The following MAEL variants were observed in gnomAD, a reference collection of about 807,000 sequenced individuals.
MAEL encodes protein maelstrom homolog.
MAEL carries 46 observed loss-of-function variants against 62.0 expected under a neutral mutation model. That is an observed-to-expected ratio of 0.74 (90% CI 0.59 to 0.95). The LOEUF is 0.95. Among genes scored for constraint, MAEL ranks in the 40% least tolerant of loss-of-function variants. MAEL has a pLI of 0.00. For synonymous variants in MAEL, 172 were observed against 175.5 expected (o/e 0.98, Z 0.16); for missense variants, 497 against 526.8 (o/e 0.94, Z 0.55).
chr1:167,003,942 T>C (rs1164362238), intron 5 of MAEL, among the ~76,000 whole-genome samples: 1 of 152,196 alleles, frequency 6.6e-6, no homozygotes, highest in Non-Finnish European at 1.5e-5. Context: ...AACTTACTGA[T>C]TTCTGTGATT....
chr1:167,010,493 C>T (rs1265620061), intron 8 of MAEL, among the ~76,000 whole-genome samples: 1 of 151,934 alleles, frequency 6.6e-6, no homozygotes, highest in African/African-American at 2.4e-5. Context: ...TCACCCCAGC[C>T]GGAATACAGT....
chr1:166,976,848 T>G (rs1478291997), intron 1 of MAEL, among the ~76,000 whole-genome samples: 1 of 152,214 alleles, frequency 6.6e-6, no homozygotes, highest in East Asian at 1.9e-4. Flanking sequence ...CTTTTATGGC[T>G]GCCTGACATC....
At chr1:166,989,071 C>T (rs2102065296), upstream of MAEL, 1 of 425,992 alleles carries the variant, frequency 2.3e-6, no homozygotes, top group South Asian at 3.1e-5. Flanking sequence ...AGGCCTCCCA[C>T]GTGACAATGC....
chr1:167,007,289 A>G (rs1664955273), intron 8 of MAEL, among the ~76,000 whole-genome samples: 1 of 152,106 alleles, frequency 6.6e-6, no homozygotes, highest in African/African-American at 2.4e-5. Flanking sequence ...AGTACCTTCA[A>G]GCAGGGGTTT....
intron 8 of MAEL, among the ~76,000 whole-genome samples, chr1:167,006,765 A>G (rs1267126174): frequency 6.6e-6 from 1 of 150,752 alleles, no homozygotes. Context: ...CCTCTCGAGT[A>G]GTTGGGATTA....
chr1:166,990,986 C>G (rs1471334984), intron 2 of MAEL, among the ~76,000 whole-genome samples: 1 of 152,156 alleles, frequency 6.6e-6, no homozygotes, highest in Non-Finnish European at 1.5e-5. Context: ...GTATGTGTAC[C>G]TCATGTGAGA....
upstream of MAEL, among the ~76,000 whole-genome samples, chr1:166,987,172 G>T (rs1042013544): frequency 3.3e-5 from 5 of 152,134 alleles, no homozygotes; most frequent in Admixed American, 6.6e-5. Flanking sequence ...AAGGTTCCCT[G>T]TGTCAGTTCT....
rs906068322 is a variant in MAEL, at chr1:167,016,118, A to G, written c.846-104A>G. Reference sequence around the variant, plus strand: ...TGTTAAATTTGAAGTTTTAGTCTTCAAGTAACCTCATTTTTTAAAAGATTT... The same window carrying G: ...TGTTAAATTTGAAGTTTTAGTCTTCGAGTAACCTCATTTTTTAAAAGATTT... On this transcript the variant is annotated intron_variant, in intron 8 of 11. Transcript: ENST00000367872. The G allele has an allele frequency of 2.0e-5, 20 of 1,005,832 alleles. No individual in the cohort carries two copies. The Admixed American group carries it at 3.4e-4, about 17-fold the overall frequency. The allele number at this position is 1,005,832 out of a possible 1,614,324, so 62.3% of individuals were successfully genotyped here.
At chr1:166,976,842 TA>T (rs1238954254) in intron 1 of MAEL, among the ~76,000 whole-genome samples, 1 of 152,164 alleles carries the variant, frequency 6.6e-6, no homozygotes, top group Non-Finnish European at 1.5e-5. Flanking sequence ...AGCTGTCTTT[TA>T]TGGCTGCCTG....
At chr1:167,015,569 GA>G (rs1247621095) in intron 8 of MAEL, among the ~76,000 whole-genome samples, 1 of 152,134 alleles carries the variant, frequency 6.6e-6, no homozygotes, top group African/African-American at 2.4e-5. Flanking sequence ...CTCTTGTCAT[GA>G]AAGTGTGCTA....
chr1:167,008,482 G>C (rs1054615000), intron 8 of MAEL, among the ~76,000 whole-genome samples: 2 of 151,952 alleles, frequency 1.3e-5, no homozygotes, highest in African/African-American at 4.8e-5. Context: ...TCTTGTCATT[G>C]TATATTTGTG....
intron 8 of MAEL, among the ~76,000 whole-genome samples, chr1:167,007,471 T>G (rs1169056982): frequency 2.6e-5 from 4 of 152,122 alleles, no homozygotes; most frequent in Non-Finnish European, 5.9e-5. Flanking sequence ...AGTTAGGAGA[T>G]AGAATCTGGG....
chr1:167,021,500 T>C (rs912581980), intron 11 of MAEL, among the ~76,000 whole-genome samples, 168 bp from the exon 12 acceptor site: 4 of 152,190 alleles, frequency 2.6e-5, no homozygotes, highest in Non-Finnish European at 5.9e-5. Context: ...AAGTGGTACC[T>C]AAAGAACTTC....
chr1:167,011,210 T>C (rs1231728693), intron 8 of MAEL, among the ~76,000 whole-genome samples: 1 of 152,216 alleles, frequency 6.6e-6, no homozygotes, highest in Non-Finnish European at 1.5e-5. Context: ...TGGACTCTAC[T>C]GCATATAAAG....
intron 9 of MAEL, 96 bp downstream of exon 9, chr1:167,016,380 C>G: frequency 9.1e-7 from 1 of 1,102,436 alleles, no homozygotes; most frequent in South Asian, 1.3e-5. Context: ...CGGGGTAACT[C>G]TGTTTCCACA....
intron 5 of MAEL, among the ~76,000 whole-genome samples, chr1:167,002,642 G>C (rs1235154844): frequency 2.0e-5 from 3 of 152,164 alleles, no homozygotes; most frequent in Admixed American, 2.0e-4. Flanking sequence ...TTGGGTTTCA[G>C]ACATCACAAA....
chr1:167,016,334 A>C (rs755720593), intron 9 of MAEL, 50 bp downstream of exon 9: 24 of 1,564,056 alleles, frequency 1.5e-5, no homozygotes, highest in Non-Finnish European at 2.0e-5. Flanking sequence ...TGATTAAATT[A>C]TTCTGTGCCG....
At chr1:166,991,305 A>C (rs1664163504) in intron 2 of MAEL, 73 bp from the exon 3 acceptor site, 1 of 894,654 alleles carries the variant, frequency 1.1e-6, no homozygotes, top group Admixed American at 1.8e-5. Context: ...GCAGTTATTT[A>C]GCTAAATTTT....
intron 1 of MAEL, among the ~76,000 whole-genome samples, chr1:166,980,506 C>A (rs908401844): frequency 9.9e-5 from 15 of 152,106 alleles, no homozygotes; most frequent in African/African-American, 3.6e-4. Context: ...TATCTTCAGC[C>A]AGATACAAAG....
Sources: gnomAD v4.1 joint callset for allele counts (sites outside exome capture counted in the v4.1 genomes callset) on GRCh38, gnomAD v4.1.1 for gene constraint, MANE v1.5 for transcripts, NCBI Gene and HGNC (gene_info 2026-07-23, HGNC 2026-07-21) for gene names.